NOSTRIN: variants seen among roughly 807,000 people sequenced by gnomAD.
NOSTRIN encodes the protein nitric oxide synthase trafficking, also known as BM247 homolog.
A neutral mutation model predicts 59.0 loss-of-function variants in NOSTRIN; 63 were observed. That is an observed-to-expected ratio of 1.07 (90% CI 0.87 to 1.32). NOSTRIN has a LOEUF of 1.32. Among genes scored for constraint, NOSTRIN ranks in the 40% most tolerant of loss-of-function variants. The pLI is 0.00. For synonymous variants in NOSTRIN, 200 were observed against 165.4 expected, an observed-to-expected ratio of 1.21 and a Z score of -1.61; for missense variants, 512 against 473.1, an observed-to-expected ratio of 1.08 and a Z score of -0.76.
chr2:168,800,517 A>T (rs1316306899), upstream of NOSTRIN, among the ~76,000 whole-genome samples: 1 of 152,104 alleles, frequency 6.6e-6, no homozygotes, highest in African/African-American at 2.4e-5. Context: ...AGATGGAAGG[A>T]TTTTAATTCA....
intron 8 of NOSTRIN, 42 bp from the exon 9 acceptor site, chr2:168,851,042 A>G (rs488621): frequency 0.47 from 539,266 of 1,139,658 alleles, 131,688 homozygotes; most frequent in South Asian, 0.62. Flanking sequence ...TCCATTTTGC[A>G]TAACAACTGG....
rs78223930 is a variant in NOSTRIN, at chr2:168,842,106, G to A, written c.505-886G>A. The stretch of plus-strand genomic sequence containing the variant: ...GACAGTTTTTACACAGAAAGGCAGG[G>A]GAAAGTGAGACTAATATTTTTAGAT... On this transcript the variant is annotated intron_variant, in intron 7 of 15. Coordinates refer to ENST00000317647, the MANE Select transcript of NOSTRIN (RefSeq NM_001039724.4). 5.5e-3 allele frequency among the ~76,000 whole-genome samples: 839 copies of A among 152,290 alleles called. 26 individuals carry two copies. The East Asian group carries it at 0.083, about 15-fold the overall frequency.
chr2:168,811,513 G>A, intron 1 of NOSTRIN, 54 bp from the exon 2 acceptor site: 4 of 669,734 alleles, frequency 6.0e-6, no homozygotes, highest in Non-Finnish European at 1.1e-5. Flanking sequence ...TATCTTCGGA[G>A]TTGCTCGTAA....
At chr2:168,834,359 A>G (rs758648239) in intron 7 of NOSTRIN, 34 bp downstream of exon 7, 4 of 864,464 alleles carry the variant, frequency 4.6e-6, no homozygotes, top group African/African-American at 1.6e-5. Context: ...CGCATGTGCC[A>G]TAGAGAGGGA....
intron 2 of NOSTRIN, among the ~76,000 whole-genome samples, chr2:168,788,836 A>G (rs116248616): frequency 0.017 from 2,619 of 152,258 alleles, 34 homozygotes; most frequent in Middle Eastern, 0.044. Context: ...ACAGATGTTA[A>G]GTGTGTATAT....
chr2:168,858,480 A>G (rs1208465788), intron 12 of NOSTRIN, among the ~76,000 whole-genome samples: 1 of 152,196 alleles, frequency 6.6e-6, no homozygotes, highest in Non-Finnish European at 1.5e-5. Context: ...TGAATCAAGA[A>G]TGTTCACAAG....
At position 168,862,000 on chromosome 2, in the gene NOSTRIN, C is replaced by T. The variant is rs757389670; in HGVS notation, c.1335C>T (p.Ala445=). 2.4e-5 allele frequency: 38 copies of T among 1,614,048 alleles called. 1 individual carries two copies. In the African/African-American group the frequency reaches 3.6e-4, roughly 15 times the overall value. Residue 445 remains alanine, a synonymous_variant, in exon 15 of 16, where the codon GCC becomes GCT. Coordinates refer to ENST00000317647, the MANE Select transcript of NOSTRIN (RefSeq NM_001039724.4). ...AGCTCAGCAGCAGACTTTGCAAGGC[C>T]TTGTATTCTTTTCAAGCCAGGCAAG... is the stretch of plus-strand genomic sequence containing the variant. The part of the protein sequence containing the change: ...AAQLSSRLCK[A]LYSFQARQDD...
At chr2:168,802,629 A>G, upstream of NOSTRIN, 2 of 868,142 alleles carry the variant, frequency 2.3e-6, no homozygotes, top group African/African-American at 1.6e-5. Context: ...AAAGGACAAA[A>G]GCCAGACACA....
chr2:168,793,791 G>GTGTGCT (rs1559097840), upstream of NOSTRIN, among the ~76,000 whole-genome samples: 5 of 152,184 alleles, frequency 3.3e-5, no homozygotes, highest in African/African-American at 1.2e-4. Context: ...AAGGTCCCAT[G>GTGTGCT]CAAACTGTGT....
At chr2:168,809,325 C>A (rs771594120) in intron 1 of NOSTRIN, among the ~76,000 whole-genome samples, 1 of 152,136 alleles carries the variant, frequency 6.6e-6, no homozygotes, top group Non-Finnish European at 1.5e-5. Context: ...GGCAAACAAG[C>A]CTTTACTGAA....
intron 7 of NOSTRIN, among the ~76,000 whole-genome samples, chr2:168,840,529 C>CAAAAAAAAAAAAAAAAA (rs59235003): frequency 1.0e-5 from 1 of 99,324 alleles, no homozygotes; most frequent in Non-Finnish European, 2.0e-5. Context: ...GACTCCATCT[C>CAAAAAAAAAAAAAAAAA]AAAAAAAAAA....
At chr2:168,847,507 G>A (rs1688502982) in intron 8 of NOSTRIN, among the ~76,000 whole-genome samples, 1 of 152,296 alleles carries the variant, frequency 6.6e-6, no homozygotes, top group African/African-American at 2.4e-5. Context: ...TCTTTTATCA[G>A]TTCTATGAGA....
chr2:168,859,485 T>A (rs372816885), intron 12 of NOSTRIN, 27 bp from the exon 13 acceptor site: 3 of 1,608,342 alleles, frequency 1.9e-6, no homozygotes, highest in Non-Finnish European at 2.5e-6. Context: ...AGAAATTTGC[T>A]CACATGGCCA....
Position 168,847,114 on chromosome 2 carries a change from T to TA in NOSTRIN, c.631-3967dup, listed in dbSNP as rs543508515. The stretch of plus-strand genomic sequence containing the variant: ...GCACCATGGATGCTTATGAAATAAT[T>TA]AAAGTGGTATTTTCAGAGACTAATG... On this transcript the variant is annotated intron_variant, in intron 8 of 15. Transcript: ENST00000317647. Among the ~76,000 whole-genome samples the TA allele has an allele frequency of 2.2e-3, 333 of 152,280 alleles. 2 individuals carry two copies. Among genetic ancestry groups the TA allele is most frequent in the Non-Finnish European group, 3.9e-3 (265 of 68,028 alleles).
At position 168,837,300 on chromosome 2, in the gene NOSTRIN, C is replaced by CTTTTT. The variant is rs761309524; in HGVS notation, c.504+2998_504+3002dup. Among the ~76,000 whole-genome samples, 90 of 62,182 alleles carry CTTTTT rather than the reference C, an allele frequency of 1.4e-3. 11 individuals carry two copies. Among genetic ancestry groups the CTTTTT allele is most frequent in the African/African-American group, 4.1e-3 (69 of 16,938 alleles). The allele number at this position is 62,182 out of a possible 152,430, so 40.8% of individuals were successfully genotyped here. A position where few individuals can be genotyped will look rare whatever the true frequency, so the allele number is the denominator to read the frequency against. Reference sequence around the variant, plus strand: ...TTTTTATAATACACTTTTTTAACATCTTTTTTTTTTTTTTTTTTTTTTTTT... The same window carrying CTTTTT: ...TTTTTATAATACACTTTTTTAACATCTTTTTTTTTTTTTTTTTTTTTTTTTTTTTT... On this transcript the variant is annotated intron_variant, in intron 7 of 15. Transcript: ENST00000317647.
upstream of NOSTRIN, among the ~76,000 whole-genome samples, chr2:168,797,157 C>T (rs182656084): frequency 4.4e-5 from 6 of 135,564 alleles, no homozygotes; most frequent in Admixed American, 3.5e-4. Flanking sequence ...GGCATGAACA[C>T]GGCTTATTGC....
chr2:168,797,104 A>G (rs1472021512), upstream of NOSTRIN, among the ~76,000 whole-genome samples: 4 of 16,064 alleles, frequency 2.5e-4, no homozygotes, highest in Admixed American at 9.1e-4. Context: ...TTTTTTTTGG[A>G]GACAAGGTCT....
chr2:168,859,420 C>A, intron 12 of NOSTRIN, 92 bp from the exon 13 acceptor site: 2 of 1,542,560 alleles, frequency 1.3e-6, no homozygotes, highest in South Asian at 1.3e-5. Context: ...CTTTTCTAAC[C>A]TTTGTTATTT....
intron 7 of NOSTRIN, among the ~76,000 whole-genome samples, chr2:168,841,893 T>G (rs913066614): frequency 4.6e-5 from 7 of 152,202 alleles, no homozygotes; most frequent in Admixed American, 2.6e-4. Context: ...GTACAAATAT[T>G]ATGTACAAAA....
Sources: allele counts gnomAD v4.1 joint callset (sites outside exome capture counted in the v4.1 genomes callset), GRCh38; gene constraint gnomAD v4.1.1; transcripts MANE v1.5; gene names NCBI Gene and HGNC (gene_info 2026-07-23, HGNC 2026-07-21).